Variants in ITPRID1 observed in about 807,000 individuals in gnomAD.
ITPRID1 encodes protein ITPRID1.
In ITPRID1, 96 loss-of-function variants were observed where a neutral mutation model predicts 95.4. The observed-to-expected ratio is 1.01, with a 90% confidence interval of 0.85 to 1.19. The LOEUF is 1.19. Among genes scored for constraint, ITPRID1 ranks in the 50% most tolerant of loss-of-function variants. ITPRID1 has a pLI of 0.00. For synonymous variants in ITPRID1, 510 were observed against 453.6 expected (o/e 1.12, Z -1.58); for missense variants, 1,339 against 1,252.9 (o/e 1.07, Z -1.04).
chr7:31,545,881 G>C (rs1784080624), intron 1 of ITPRID1, among the ~76,000 whole-genome samples: 1 of 152,106 alleles, frequency 6.6e-6, no homozygotes, highest in South Asian at 2.1e-4. Context: ...TTAATACTTG[G>C]ATAGGGAGGG....
rs756752999 is a variant in ITPRID1, at chr7:31,620,197, AG to A, written c.1229-21978del. ...GGGGGCAGGGCACAGACAAACAAAA[AG>A]ACAGCAGTAACCTCTTCAGACTTAA... On this transcript the variant is annotated intron_variant, in intron 10 of 14. Transcript: ENST00000615280. Among the ~76,000 whole-genome samples, 4 of 152,262 alleles carry A rather than the reference AG, an allele frequency of 2.6e-5. No homozygotes were observed. The South Asian group carries it at 6.2e-4, about 24-fold the overall frequency.
chr7:31,570,744 T>G (rs1784957612), intron 6 of ITPRID1, among the ~76,000 whole-genome samples: 1 of 152,130 alleles, frequency 6.6e-6, no homozygotes, highest in Non-Finnish European at 1.5e-5. Context: ...CAACAGTGAC[T>G]CTGTATTGGT....
At chr7:31,517,099 T>C (rs943264445) in intron 1 of ITPRID1, among the ~76,000 whole-genome samples, 2 of 152,196 alleles carry the variant, frequency 1.3e-5, no homozygotes, top group African/African-American at 4.8e-5. Flanking sequence ...GAAACCACCA[T>C]TCCCAGAGAA....
At chr7:31,559,019 C>A (rs934630645) in intron 5 of ITPRID1, among the ~76,000 whole-genome samples, 1 of 152,100 alleles carries the variant, frequency 6.6e-6, no homozygotes, top group South Asian at 2.1e-4. Context: ...TAAATAACTC[C>A]TATAACTAAA....
At chr7:31,526,736 G>T (rs1310386598) in intron 1 of ITPRID1, among the ~76,000 whole-genome samples, 2 of 151,848 alleles carry the variant, frequency 1.3e-5, no homozygotes, top group Non-Finnish European at 2.9e-5. Flanking sequence ...AAGACCTGCA[G>T]TTTTTTTTCT....
At chr7:31,565,599 G>C (rs553731901) in intron 5 of ITPRID1, among the ~76,000 whole-genome samples, 6 of 152,036 alleles carry the variant, frequency 3.9e-5, no homozygotes, top group African/African-American at 1.4e-4. Context: ...TTAGCCAGGC[G>C]TTGTGGCACA....
chr7:31,626,718 G>T (rs914823718), intron 10 of ITPRID1, among the ~76,000 whole-genome samples: 1 of 151,914 alleles, frequency 6.6e-6, no homozygotes, highest in Non-Finnish European at 1.5e-5. Flanking sequence ...CAAAACTCTT[G>T]TTGTGGCAGT....
intron 10 of ITPRID1, among the ~76,000 whole-genome samples, chr7:31,603,674 G>T (rs892046098): frequency 1.3e-5 from 2 of 152,070 alleles, no homozygotes; most frequent in African/African-American, 4.8e-5. Flanking sequence ...AATCCCCGTA[G>T]AATTGAATTC....
At chr7:31,516,828 T>G (rs1783056638) in intron 1 of ITPRID1, among the ~76,000 whole-genome samples, 2 of 152,156 alleles carry the variant, frequency 1.3e-5, no homozygotes, top group African/African-American at 4.8e-5. Flanking sequence ...AGTGGTGGGT[T>G]CTCGGTCTCG....
At chr7:31,557,479 C>T (rs1289248404) in intron 5 of ITPRID1, among the ~76,000 whole-genome samples, 1 of 152,098 alleles carries the variant, frequency 6.6e-6, no homozygotes, top group African/African-American at 2.4e-5. Context: ...TTTATGATGA[C>T]TCTCTGGCTG....
Position 31,575,598 on chromosome 7 carries a change from C to T in ITPRID1, c.598+856C>T, listed in dbSNP as rs76488374. On this transcript the variant is annotated intron_variant, in intron 8 of 14. Transcript: ENST00000615280. ...TCAGCCTCCTAGAGGGGATGCAGTG[C>T]AGCATTTCAAAACCACTTAAATACA... 5.8e-3 allele frequency among the ~76,000 whole-genome samples: 880 copies of T among 152,216 alleles called. 13 individuals carry two copies. Among genetic ancestry groups the T allele is most frequent in the African/African-American group, 0.02 (822 of 41,534 alleles).
chr7:31,648,812 G>A (rs1790708416), intron 12 of ITPRID1, among the ~76,000 whole-genome samples: 1 of 152,216 alleles, frequency 6.6e-6, no homozygotes, highest in African/African-American at 2.4e-5. Flanking sequence ...CTTGTGTTCA[G>A]CTATACTGTG....
intron 5 of ITPRID1, among the ~76,000 whole-genome samples, chr7:31,561,706 C>T (rs994112313): frequency 4.0e-4 from 61 of 152,144 alleles, no homozygotes; most frequent in African/African-American, 1.4e-3. Flanking sequence ...ATCTCCAGGG[C>T]GTTGTCTGTT....
chr7:31,574,413 G>T (rs112268750), intron 7 of ITPRID1, 127 bp from the exon 8 acceptor site: 4 of 805,606 alleles, frequency 5.0e-6, no homozygotes, highest in South Asian at 3.2e-5. Flanking sequence ...GCTAGTGCAC[G>T]CACCGTTTGT....
Position 31,652,774 on chromosome 7 carries a change from C to T in ITPRID1, c.3080C>T (p.Pro1027Leu), listed in dbSNP as rs776855667. ...TCATCAGCTTGGGCAAAGTTAGGTC[C>T]AACCCCTTTGTCAAATTGTCCTGTT... ...PSSSAWAKLGPTPLSNCPVGE... is the reference protein window; with the variant it reads ...PSSSAWAKLGLTPLSNCPVGE... The change falls in exon 15 of 15, where the codon CCA (proline) becomes CTA (leucine). Residue 1027 changes from proline (P) to leucine (L), a missense_variant. Physicochemically the swap from Pro to Leu is moderately conservative, Grantham distance 98. Transcript: ENST00000615280. 1 of 1,613,850 alleles carries T rather than the reference C, an allele frequency of 6.2e-7. No individual in the cohort carries two copies. The highest frequency in any genetic ancestry group is 8.5e-7 in the Non-Finnish European group (1 of 1,179,836).
intron 1 of ITPRID1, among the ~76,000 whole-genome samples, chr7:31,540,349 G>A (rs999100241): frequency 2.4e-4 from 37 of 152,276 alleles, no homozygotes; most frequent in African/African-American, 3.6e-4. Context: ...TAGAGGCAGC[G>A]CCTGCTGAAA....
chr7:31,656,596 G>A (rs1428448924), downstream of ITPRID1: 2 of 450,858 alleles, frequency 4.4e-6, no homozygotes, highest in African/African-American at 4.3e-5. Context: ...ATGAGATGAG[G>A]ATAAATTATC....
chr7:31,517,081 G>A (rs532860274), intron 1 of ITPRID1, among the ~76,000 whole-genome samples: 3 of 152,318 alleles, frequency 2.0e-5, no homozygotes, highest in East Asian at 3.9e-4. Flanking sequence ...TTATTGCAAA[G>A]AGCGAAAGAA....
At position 31,652,048 on chromosome 7, in the gene ITPRID1, C is replaced by T. The variant is rs920507527; in HGVS notation, c.2821C>T (p.Leu941=). Reference sequence around the variant, plus strand: ...TCAGCAAATCAGAGAAGGGATTTTACTGGTATGGGTGATGGGGTGTGGAGT... The same window carrying T: ...TCAGCAAATCAGAGAAGGGATTTTATTGGTATGGGTGATGGGGTGTGGAGT... ...RAQQIREGIL[L]QLEVLTAEPP... The change falls in exon 14 of 15, where the codon CTG becomes TTG. Residue 941 remains leucine (L), a splice_region_variant and synonymous_variant. Transcript: ENST00000615280. 3.8e-6 allele frequency: 6 copies of T among 1,589,806 alleles called. No homozygotes were observed. The African/African-American group carries it at 8.1e-5, about 21-fold the overall frequency.
Sources: gnomAD v4.1 joint callset for allele counts (sites outside exome capture counted in the v4.1 genomes callset) on GRCh38, gnomAD v4.1.1 for gene constraint, MANE v1.5 for transcripts, NCBI Gene and HGNC (gene_info 2026-07-23, HGNC 2026-07-21) for gene names.